Variants in KIF16B observed in about 807,000 individuals in gnomAD.
KIF16B encodes kinesin family member 16B.
Under a neutral mutation model 156.3 loss-of-function variants are expected in KIF16B, and 98 were observed. That is an observed-to-expected ratio of 0.63 (90% CI 0.53 to 0.74). The LOEUF is 0.74. KIF16B is among the 30% of genes least tolerant of loss of function. KIF16B has a pLI of 0.00. For synonymous variants in KIF16B, 564 were observed against 583.7 expected (o/e 0.97, Z 0.49); for missense variants, 1,421 against 1,606.5 (o/e 0.88, Z 1.97).
At chr20:16,406,221 G>T (rs1033476501) in intron 16 of KIF16B, among the ~76,000 whole-genome samples, 153 bp downstream of exon 16, 1 of 152,074 alleles carries the variant, frequency 6.6e-6, no homozygotes, top group Non-Finnish European at 1.5e-5. Context: ...CATCTGCTGG[G>T]AAACAATCTC....
chr20:16,419,107 C>G (rs2066163588), intron 15 of KIF16B, among the ~76,000 whole-genome samples: 1 of 152,102 alleles, frequency 6.6e-6, no homozygotes, highest in Admixed American at 6.6e-5. Flanking sequence ...CTAACAAGTT[C>G]TCAGGTAATG....
At chr20:16,363,160 C>G (rs555929222) in intron 22 of KIF16B, among the ~76,000 whole-genome samples, 1 of 152,258 alleles carries the variant, frequency 6.6e-6, no homozygotes, top group Non-Finnish European at 1.5e-5. Flanking sequence ...ATGCAGATTA[C>G]AAAATACACT....
At chr20:16,441,158 G>A (rs1270991663) in intron 12 of KIF16B, among the ~76,000 whole-genome samples, 3 of 152,152 alleles carry the variant, frequency 2.0e-5, no homozygotes, top group Non-Finnish European at 2.9e-5. Flanking sequence ...ATTAACACGA[G>A]GTAAAACAGC....
chr20:16,546,635 C>T (rs2070416175), intron 1 of KIF16B, among the ~76,000 whole-genome samples: 1 of 152,274 alleles, frequency 6.6e-6, no homozygotes, highest in South Asian at 2.1e-4. Flanking sequence ...TACAGAAGCA[C>T]CACACAGCTG....
At chr20:16,555,521 C>T (rs2070815897) in intron 1 of KIF16B, among the ~76,000 whole-genome samples, 1 of 152,182 alleles carries the variant, frequency 6.6e-6, no homozygotes, top group South Asian at 2.1e-4. Context: ...GACCAAAGGC[C>T]ATCCTCCAAG....
chr20:16,495,734 G>T (rs2146944990), intron 11 of KIF16B, among the ~76,000 whole-genome samples: 1 of 152,224 alleles, frequency 6.6e-6, no homozygotes, highest in South Asian at 2.1e-4. Flanking sequence ...CTGTTGCCTG[G>T]GTTGGAGTGC....
intron 6 of KIF16B, among the ~76,000 whole-genome samples, chr20:16,510,311 T>C (rs1435035008): frequency 1.2e-4 from 18 of 152,216 alleles, no homozygotes; most frequent in Non-Finnish European, 2.9e-5. Flanking sequence ...TGGCACACCC[T>C]GCTTTGCTTT....
At chr20:16,529,572 G>A (rs2069671271) in intron 1 of KIF16B, among the ~76,000 whole-genome samples, 1 of 152,206 alleles carries the variant, frequency 6.6e-6, no homozygotes, top group Admixed American at 6.5e-5. Context: ...GACATTACAA[G>A]AGTAATGATG....
At chr20:16,507,886 G>T in intron 7 of KIF16B, 72 bp downstream of exon 7, 1 of 1,523,256 alleles carries the variant, frequency 6.6e-7, no homozygotes, top group Non-Finnish European at 9.0e-7. Context: ...ACAATGATCA[G>T]TCCTCAGCTG....
At position 16,322,203 on chromosome 20, in the gene KIF16B, C is replaced by CCAAAG. The variant is rs1219315367; in HGVS notation, c.3712-9790_3712-9786dup. Among the ~76,000 whole-genome samples, 4 of 151,862 alleles carry CCAAAG rather than the reference C, an allele frequency of 2.6e-5. No homozygotes were observed. The East Asian group carries it at 5.8e-4, about 22-fold the overall frequency. Reference sequence around the variant, plus strand: ...TGGAACCAAAAAAGAGCCCACACAGCCAAAGCAAGACTAAGTCACTAAAAA... The same window carrying CCAAAG: ...TGGAACCAAAAAAGAGCCCACACAGCCAAAGCAAAGCAAGACTAAGTCACTAAAAA... On this transcript the variant is annotated intron_variant, in intron 24 of 25. Coordinates refer to ENST00000354981, the MANE Select transcript of KIF16B (RefSeq NM_024704.5).
At chr20:16,320,230 C>A (rs1409520257) in intron 24 of KIF16B, among the ~76,000 whole-genome samples, 1 of 152,126 alleles carries the variant, frequency 6.6e-6, no homozygotes, top group African/African-American at 2.4e-5. Context: ...TATATCTTAG[C>A]CAGATAAACA....
chr20:16,390,259 A>C (rs557408433), intron 17 of KIF16B, among the ~76,000 whole-genome samples: 2 of 152,340 alleles, frequency 1.3e-5, no homozygotes, highest in African/African-American at 2.4e-5. Flanking sequence ...AAGTGCCCTA[A>C]GAAAAAAGGA....
intron 2 of KIF16B, 81 bp from the exon 3 acceptor site, chr20:16,526,286 C>A: frequency 1.6e-6 from 1 of 625,400 alleles, no homozygotes. Context: ...TATACCCTGA[C>A]TAAAAACCAT....
At chr20:16,358,157 C>T (rs1273336560) in intron 22 of KIF16B, among the ~76,000 whole-genome samples, 1 of 152,064 alleles carries the variant, frequency 6.6e-6, no homozygotes, top group Non-Finnish European at 1.5e-5. Context: ...CCACTGCACT[C>T]CAGCCTGGGC....
rs187278150 is a variant in KIF16B, at chr20:16,323,478, C to T, written c.3712-11060G>A. ...TCCAAATTAATAGCAGCTCCCAAGG[C>T]CTTATAAGAAGAGCTGTCACTGAGA... On this transcript the variant is annotated intron_variant, in intron 24 of 25. Coordinates refer to ENST00000354981, the MANE Select transcript of KIF16B (RefSeq NM_024704.5). 1.6e-4 allele frequency among the ~76,000 whole-genome samples: 25 copies of T among 152,074 alleles called. No individual in the cohort carries two copies. In the East Asian group the frequency reaches 4.6e-3, roughly 28 times the overall value.
intron 15 of KIF16B, among the ~76,000 whole-genome samples, chr20:16,411,334 T>C (rs1234934220): frequency 6.6e-6 from 1 of 152,124 alleles, no homozygotes; most frequent in East Asian, 1.9e-4. Context: ...ATTTATTACT[T>C]TGAGCATAGA....
At chr20:16,401,263 C>A (rs888029986) in intron 17 of KIF16B, among the ~76,000 whole-genome samples, 9 of 152,146 alleles carry the variant, frequency 5.9e-5, no homozygotes, top group African/African-American at 1.9e-4. Context: ...CTCCCGAATT[C>A]TCTGATTGCC....
At chr20:16,412,863 A>C (rs1428096984) in intron 15 of KIF16B, among the ~76,000 whole-genome samples, 1 of 152,140 alleles carries the variant, frequency 6.6e-6, no homozygotes, top group Non-Finnish European at 1.5e-5. Context: ...GCAATAAGCA[A>C]ACTGAAGGGC....
chr20:16,429,332 G>GT (rs1324331022), intron 13 of KIF16B, among the ~76,000 whole-genome samples: 1 of 152,190 alleles, frequency 6.6e-6, no homozygotes, highest in African/African-American at 2.4e-5. Context: ...TATAGTTTAT[G>GT]TAAGTCTGCA....
Sources: gnomAD v4.1 joint callset for allele counts (sites outside exome capture counted in the v4.1 genomes callset) on GRCh38, gnomAD v4.1.1 for gene constraint, MANE v1.5 for transcripts, NCBI Gene and HGNC (gene_info 2026-07-23, HGNC 2026-07-21) for gene names.